The following AGTPBP1 variants were observed in gnomAD, a reference collection of about 807,000 sequenced individuals.
AGTPBP1 encodes cytosolic carboxypeptidase 1.
Under a neutral mutation model 143.9 loss-of-function variants are expected in AGTPBP1, and 70 were observed. The observed-to-expected ratio is 0.49, with a 90% confidence interval of 0.40 to 0.59. AGTPBP1 has a LOEUF of 0.59. AGTPBP1 is among the 20% of genes least tolerant of loss of function. The pLI is 0.00. For synonymous variants in AGTPBP1, 463 were observed against 500.2 expected, an observed-to-expected ratio of 0.93 and a Z score of 0.99; for missense variants, 1,229 against 1,464.5, an observed-to-expected ratio of 0.84 and a Z score of 2.62.
the AGTPBP1 span, among the ~76,000 whole-genome samples, chr9:85,781,586 G>A: frequency 6.6e-6 from 1 of 152,192 alleles, no homozygotes; most frequent in African/African-American, 2.4e-5. Context: ...TTGATTGTCT[G>A]CCATGTGCCA....
At chr9:85,694,461 G>A (rs1836100111) in intron 2 of AGTPBP1, among the ~76,000 whole-genome samples, 1 of 152,074 alleles carries the variant, frequency 6.6e-6, no homozygotes, top group Non-Finnish European at 1.5e-5. Context: ...GTTGCCTTCT[G>A]AACTCTGAGA....
chr9:85,755,054 G>A, the AGTPBP1 span, among the ~76,000 whole-genome samples: 3 of 152,192 alleles, frequency 2.0e-5, no homozygotes, highest in Non-Finnish European at 4.4e-5. Context: ...AGGCTCCAGT[G>A]TTATCTGGAC....
chr9:85,612,864 T>A (rs1021506097), intron 17 of AGTPBP1, among the ~76,000 whole-genome samples: 1 of 149,832 alleles, frequency 6.7e-6, no homozygotes, highest in African/African-American at 2.5e-5. Context: ...GTGGTGTGAG[T>A]AGTAGGAAGA....
intron 17 of AGTPBP1, among the ~76,000 whole-genome samples, chr9:85,598,333 T>G (rs10868330): frequency 0.16 from 23,706 of 152,188 alleles, 2,655 homozygotes; most frequent in East Asian, 0.51. Flanking sequence ...TTTCATCTTG[T>G]TATTTCTTTT....
At chr9:85,780,928 A>G in the AGTPBP1 span, among the ~76,000 whole-genome samples, 3 of 152,140 alleles carry the variant, frequency 2.0e-5, no homozygotes, top group Non-Finnish European at 2.9e-5. Flanking sequence ...CATCCTGGCT[A>G]ACATGATGAA....
At chr9:85,706,797 A>AC (rs1309488944) in intron 2 of AGTPBP1, among the ~76,000 whole-genome samples, 1 of 151,950 alleles carries the variant, frequency 6.6e-6, no homozygotes, top group Admixed American at 6.6e-5. Context: ...AATGGCGTAA[A>AC]CCCGGGAGGC....
intron 14 of AGTPBP1, among the ~76,000 whole-genome samples, chr9:85,625,216 T>C (rs567364708): frequency 1.3e-5 from 2 of 152,374 alleles, no homozygotes; most frequent in South Asian, 2.1e-4. Context: ...TTAATCTTGA[T>C]AGAATCTGTC....
chr9:85,630,391 CTTAT>C (rs201466007), intron 14 of AGTPBP1, among the ~76,000 whole-genome samples: 1 of 151,374 alleles, frequency 6.6e-6, no homozygotes, highest in Non-Finnish European at 1.5e-5. Flanking sequence ...TACTTACTTA[CTTAT>C]TTATTTAGTT....
At chr9:85,656,568 A>T (rs1234245898) in intron 10 of AGTPBP1, among the ~76,000 whole-genome samples, 1 of 152,188 alleles carries the variant, frequency 6.6e-6, no homozygotes, top group African/African-American at 2.4e-5. Flanking sequence ...GATATTTTCA[A>T]AAAGACAGAT....
intron 1 of AGTPBP1, among the ~76,000 whole-genome samples, chr9:85,716,702 C>T (rs1225110388): frequency 1.3e-5 from 2 of 152,164 alleles, no homozygotes; most frequent in Non-Finnish European, 2.9e-5. Flanking sequence ...TCTGATGCCC[C>T]CTACAGTCTA....
chr9:85,613,046 A>C (rs920128779), intron 17 of AGTPBP1, among the ~76,000 whole-genome samples: 2 of 152,166 alleles, frequency 1.3e-5, no homozygotes, highest in Non-Finnish European at 2.9e-5. Flanking sequence ...AATGGATTAA[A>C]ATTTGAAAGA....
chr9:85,802,174 T>C, the AGTPBP1 span, among the ~76,000 whole-genome samples: 2 of 152,160 alleles, frequency 1.3e-5, no homozygotes, highest in African/African-American at 4.8e-5. Context: ...TCCAAGGTCA[T>C]TGCATATAGT....
the AGTPBP1 span, among the ~76,000 whole-genome samples, chr9:85,758,743 G>C: frequency 1.3e-5 from 2 of 152,156 alleles, no homozygotes; most frequent in African/African-American, 4.8e-5. Flanking sequence ...TTAATTGGCA[G>C]ATAAATTCAG....
intron 1 of AGTPBP1, among the ~76,000 whole-genome samples, chr9:85,726,993 T>C (rs1324656916): frequency 6.6e-6 from 1 of 152,120 alleles, no homozygotes; most frequent in African/African-American, 2.4e-5. Context: ...AGTTCTACAG[T>C]ACATGTTGAG....
chr9:85,703,662 T>G lies in AGTPBP1; in HGVS notation c.32+8840A>C, dbSNP rs115431888. On this transcript the variant is annotated intron_variant, in intron 2 of 25. Coordinates refer to ENST00000357081, the MANE Select transcript of AGTPBP1 (RefSeq NM_001330701.2). The stretch of plus-strand genomic sequence containing the variant: ...CAAAGGCTCAATCTGGGGGAACACA[T>G]AATGTGGGAGATGACTATGAAACTT... 3.4e-3 allele frequency among the ~76,000 whole-genome samples: 523 copies of G among 152,246 alleles called. 5 individuals are homozygous for G. Among genetic ancestry groups the G allele is most frequent in the African/African-American group, 0.012 (500 of 41,546 alleles).
intron 25 of AGTPBP1, among the ~76,000 whole-genome samples, chr9:85,571,308 G>A (rs1827444726): frequency 1.3e-5 from 2 of 152,118 alleles, no homozygotes; most frequent in African/African-American, 4.8e-5. Flanking sequence ...AGAACATGCA[G>A]TGATAGCCTG....
At chr9:85,735,898 C>A (rs1823736174) in intron 1 of AGTPBP1, among the ~76,000 whole-genome samples, 1 of 152,108 alleles carries the variant, frequency 6.6e-6, no homozygotes, top group South Asian at 2.1e-4. Context: ...TCCTTATAAT[C>A]TTCATAATTT....
At chr9:85,580,551 C>T (rs1828194391) in intron 23 of AGTPBP1, among the ~76,000 whole-genome samples, 1 of 151,978 alleles carries the variant, frequency 6.6e-6, no homozygotes, top group Admixed American at 6.6e-5. Flanking sequence ...TTGACCAAAA[C>T]ATAAGAAAAC....
chr9:85,576,699 A>G (rs1827923573), intron 24 of AGTPBP1, among the ~76,000 whole-genome samples: 1 of 152,170 alleles, frequency 6.6e-6, no homozygotes, highest in East Asian at 1.9e-4. Context: ...CAAGTTTAAG[A>G]GATGTTAAGT....
Sources: allele counts gnomAD v4.1 joint callset (sites outside exome capture counted in the v4.1 genomes callset), GRCh38; gene constraint gnomAD v4.1.1; transcripts MANE v1.5; gene names NCBI Gene and HGNC (gene_info 2026-07-23, HGNC 2026-07-21).